ZGPAT: variants seen among roughly 807,000 people sequenced by gnomAD.
ZGPAT encodes the protein zinc finger CCCH-type with G patch domain-containing protein.
In ZGPAT, 39 loss-of-function variants were observed where a neutral mutation model predicts 47.9. The observed-to-expected ratio is 0.81, with a 90% CI of 0.63 to 1.06. The LOEUF (loss-of-function observed/expected upper bound fraction) is 1.06. Among genes scored for constraint, ZGPAT ranks in the 50% least tolerant of loss-of-function variants. ZGPAT has a pLI of 0.00. For missense variants in ZGPAT, 717 were observed against 681.4 expected (o/e 1.05, Z -0.58); for synonymous variants, 348 against 292.9 (o/e 1.19, Z -1.92).
At chr20:63,728,365 A>G (rs2091865091) in intron 2 of ZGPAT, among the ~76,000 whole-genome samples, 1 of 152,114 alleles carries the variant, frequency 6.6e-6, no homozygotes, top group Non-Finnish European at 1.5e-5. Context: ...CTGGCTTCCT[A>G]GCAGTTGCTT....
In ZGPAT at chr20:63,708,560, C is replaced by G; in HGVS notation, c.-21C>G. 1 of 1,565,140 alleles carries G rather than the reference C, an allele frequency of 6.4e-7. No individual in the cohort carries two copies. Among genetic ancestry groups the G allele is most frequent in the Non-Finnish European group, 8.7e-7 (1 of 1,151,674 alleles). ...TGGCTTCTCTTCTTGCAGCCCTGGT[C>G]CAGCGCCTCCCTCTCTCAGCATGGA... On this transcript the variant is annotated 5_prime_UTR_variant, in exon 2 of 7. Coordinates refer to ENST00000355969, the MANE Select transcript of ZGPAT (RefSeq NM_181485.3).
At chr20:63,732,754 G>A (rs1485170094) in intron 2 of ZGPAT, among the ~76,000 whole-genome samples, 2 of 151,636 alleles carry the variant, frequency 1.3e-5, no homozygotes, top group African/African-American at 4.9e-5. Flanking sequence ...GTGTGTGTAT[G>A]CCTGTGTACG....
rs2145710932 is a variant in ZGPAT at position 63,735,924 on chromosome 20, C to T, written c.*5C>T. Reference sequence around the variant, plus strand: ...AAGAAGATGACTGAGTTCTAGAGACCCCACAAGCACTATGGACGAAGCGTG... The same window carrying T: ...AAGAAGATGACTGAGTTCTAGAGACTCCACAAGCACTATGGACGAAGCGTG... On this transcript the variant is annotated 3_prime_UTR_variant, in exon 7 of 7. Transcript: ENST00000355969. 3 of 1,608,896 alleles carry T rather than the reference C, an allele frequency of 1.9e-6. No homozygotes were observed. The highest frequency in any genetic ancestry group is 2.2e-5 in the East Asian group (1 of 44,774).
At chr20:63,713,758 C>A (rs2091695829) in intron 2 of ZGPAT, among the ~76,000 whole-genome samples, 1 of 151,284 alleles carries the variant, frequency 6.6e-6, no homozygotes, top group South Asian at 2.1e-4. Flanking sequence ...GTAATCCCAT[C>A]TACTCAGGAG....
At chr20:63,733,102 A>G in intron 2 of ZGPAT, 117 bp from the exon 3 acceptor site, 1 of 1,354,032 alleles carries the variant, frequency 7.4e-7, no homozygotes, top group Non-Finnish European at 1.0e-6. Flanking sequence ...ATGTATACGC[A>G]CGCGTGTGTG....
chr20:63,711,035 T>G (rs1389200206), intron 2 of ZGPAT, among the ~76,000 whole-genome samples: 2 of 151,920 alleles, frequency 1.3e-5, no homozygotes, highest in African/African-American at 4.8e-5. Context: ...TTCCTTTTTT[T>G]TTTTTTTTTG....
intron 2 of ZGPAT, among the ~76,000 whole-genome samples, chr20:63,728,531 C>T (rs967550310): frequency 1.3e-5 from 2 of 152,194 alleles, no homozygotes; most frequent in Admixed American, 6.5e-5. Context: ...TCACCCTGGC[C>T]TCTCTTGGAG....
chr20:63,733,908 C>A, intron 4 of ZGPAT, 169 bp downstream of exon 4: 5 of 814,012 alleles, frequency 6.1e-6, no homozygotes, highest in South Asian at 1.8e-5. Flanking sequence ...AGATCCGTGG[C>A]GGCCTTTATC....
chr20:63,734,181 C>G, intron 4 of ZGPAT: 1 of 272,968 alleles, frequency 3.7e-6, no homozygotes, highest in South Asian at 4.5e-5. Flanking sequence ...GGGCAGTGTC[C>G]AGCTCTCCAG....
chr20:63,722,016 GAA>G (rs11320808), intron 2 of ZGPAT, among the ~76,000 whole-genome samples: 6,802 of 140,850 alleles, frequency 0.048, 419 homozygotes, highest in African/African-American at 0.12. Flanking sequence ...CCATCTCGGG[GAA>G]AAAAAAAAAA....
At chr20:63,730,692 C>G (rs1355811959) in intron 2 of ZGPAT, among the ~76,000 whole-genome samples, 1 of 152,126 alleles carries the variant, frequency 6.6e-6, no homozygotes, top group African/African-American at 2.4e-5. Flanking sequence ...CCATGTTGGC[C>G]AAGCTAGTCT....
chr20:63,724,989 T>A, intron 2 of ZGPAT, among the ~76,000 whole-genome samples: 1 of 150,174 alleles, frequency 6.7e-6, no homozygotes, highest in East Asian at 2.0e-4. Context: ...AATTTCTTTT[T>A]TTTTTTTTTT....
intron 2 of ZGPAT, among the ~76,000 whole-genome samples, chr20:63,732,344 AG>A (rs1568799415): frequency 3.7e-5 from 5 of 133,838 alleles, no homozygotes; most frequent in African/African-American, 5.7e-5. Context: ...TGTGTGGGTG[AG>A]GTGTGTGTGT....
chr20:63,724,984 C>CTTT (rs35291396), intron 2 of ZGPAT, among the ~76,000 whole-genome samples: 6 of 125,898 alleles, frequency 4.8e-5, no homozygotes, highest in South Asian at 5.2e-4. Context: ...TTTAGAATTT[C>CTTT]TTTTTTTTTT....
At position 63,735,335 on chromosome 20, in the gene ZGPAT, GCTC is replaced by G. The variant is rs1434039600; in HGVS notation, c.1172_1174del (p.Pro391del). 1.9e-6 allele frequency: 3 copies of G among 1,559,990 alleles called. No individual in the cohort carries two copies. The highest frequency in any genetic ancestry group is 2.6e-6 in the Non-Finnish European group (3 of 1,156,362). ...AGGGGCCAGGCCTGGGGGCCGCCCA[GCTC>G]CTCGGAATGTGTTTGACTTCCTCAA... On this transcript the variant is annotated inframe_deletion, in exon 6 of 7. Transcript: ENST00000355969.
At position 63,735,863 on chromosome 20, in the gene ZGPAT, G is replaced by C; in HGVS notation, c.1480G>C (p.Gly494Arg). The part of the protein sequence containing the change: ...QLGQLRAQEA[G>R]LQQEQRKADT... ...GGGGCAGCTCCGGGCTCAGGAAGCC[G>C]GCCTGCAGCAGGAGCAGAGGAAGGC... Residue 494 changes from glycine to arginine, a missense_variant, in exon 7 of 7, where the codon GGC becomes CGC. Physicochemically the swap from Gly to Arg is moderately radical, Grantham distance 125. Coordinates refer to ENST00000355969, the MANE Select transcript of ZGPAT (RefSeq NM_181485.3). 1 of 1,612,914 alleles carries C rather than the reference G, an allele frequency of 6.2e-7. No individual in the cohort carries two copies. Among genetic ancestry groups the C allele is most frequent in the Non-Finnish European group, 8.5e-7 (1 of 1,179,936 alleles).
At position 63,725,645 on chromosome 20, in the gene ZGPAT, T is replaced by G. The variant is rs533434155; in HGVS notation, c.585-7574T>G. Among the ~76,000 whole-genome samples, 10 of 152,168 alleles carry G rather than the reference T, an allele frequency of 6.6e-5. No individual in the cohort carries two copies. The East Asian group carries it at 1.7e-3, about 26-fold the overall frequency. On this transcript the variant is annotated intron_variant, in intron 2 of 6. Coordinates refer to ENST00000355969, the MANE Select transcript of ZGPAT (RefSeq NM_181485.3). Reference sequence around the variant, plus strand: ...CTTAGATTCATAGATTAATGTTTTGTTTTGTTTTACCAAATTTGGAGAGTT... The same window carrying G: ...CTTAGATTCATAGATTAATGTTTTGGTTTGTTTTACCAAATTTGGAGAGTT...
Position 63,735,342 on chromosome 20 carries a change from G to A in ZGPAT, c.1175G>A (p.Arg392Gln), listed in dbSNP as rs529179812. 2.1e-5 allele frequency: 32 copies of A among 1,554,564 alleles called. No individual in the cohort carries two copies. Among genetic ancestry groups the A allele is most frequent in the African/African-American group, 6.9e-5 (5 of 72,776 alleles). ...AGGCCTGGGGGCCGCCCAGCTCCTC[G>A]GAATGTGTTTGACTTCCTCAATGAA... is the stretch of plus-strand genomic sequence containing the variant. ...GARPGGRPAP[R>Q]NVFDFLNEKL... The change falls in exon 6 of 7, where the codon CGG becomes CAG. Residue 392 changes from arginine (R) to glutamine (Q), a missense_variant. Coordinates refer to ENST00000355969, the MANE Select transcript of ZGPAT (RefSeq NM_181485.3).
chr20:63,713,311 A>G (rs546896296), intron 2 of ZGPAT, among the ~76,000 whole-genome samples: 1 of 151,684 alleles, frequency 6.6e-6, no homozygotes, highest in South Asian at 2.1e-4. Context: ...GCTCACTGCA[A>G]GCTCCACCTC....
Sources: gnomAD v4.1 joint callset for allele counts (sites outside exome capture counted in the v4.1 genomes callset) on GRCh38, gnomAD v4.1.1 for gene constraint, MANE v1.5 for transcripts, NCBI Gene and HGNC (gene_info 2026-07-23, HGNC 2026-07-21) for gene names.